Variants in PRSS12 observed in about 807,000 individuals in gnomAD.
PRSS12 encodes serine protease 12.
PRSS12 carries 85 observed loss-of-function variants against 104.4 expected under a neutral mutation model. That is an observed-to-expected ratio of 0.81 (90% CI 0.68 to 0.98). The LOEUF is 0.98. PRSS12 is among the 50% of genes least tolerant of loss of function. The pLI is 0.00. For synonymous variants in PRSS12, 454 were observed against 425.2 expected (o/e 1.07, Z -0.83); for missense variants, 1,141 against 1,139.2 (o/e 1.00, Z -0.02).
At chr4:118,348,435 T>C (rs1411185323) in intron 1 of PRSS12, among the ~76,000 whole-genome samples, 1 of 152,162 alleles carries the variant, frequency 6.6e-6, no homozygotes, top group South Asian at 2.1e-4. Context: ...TGCCCTTCCA[T>C]GTGTTCTGCC....
intron 4 of PRSS12, among the ~76,000 whole-genome samples, chr4:118,322,075 G>C (rs1723641761): frequency 6.6e-6 from 1 of 152,078 alleles, no homozygotes; most frequent in Non-Finnish European, 1.5e-5. Flanking sequence ...TATTTAAAAA[G>C]GCTGTTGTGC....
rs1743319625 is a variant in PRSS12, at chr4:118,298,832, TAC to T, written c.1736_1737del (p.Cys579TyrfsTer14). On this transcript the variant is annotated frameshift_variant, in exon 9 of 13. Coordinates refer to ENST00000296498, the MANE Select transcript of PRSS12 (RefSeq NM_003619.4). LOFTEE classifies it high-confidence loss of function. ...TTGTGTCTTCCAATATCTTGCTTGA[TAC>T]AGTCAGCCAAGGACCTCTCATTTCC... is the stretch of plus-strand genomic sequence containing the variant. ...CTGNERSLAD[C>X]IKQDIGRHNC... 2 of 1,614,194 alleles carry T rather than the reference TAC, an allele frequency of 1.2e-6. No homozygotes were observed. The highest frequency in any genetic ancestry group is 1.6e-4 in the Middle Eastern group (1 of 6,062).
chr4:118,297,182 G>A (rs1229047923), intron 9 of PRSS12, among the ~76,000 whole-genome samples: 2 of 152,008 alleles, frequency 1.3e-5, no homozygotes, highest in Non-Finnish European at 2.9e-5. Flanking sequence ...AAAATCAACT[G>A]GTTAATATGC....
At chr4:118,347,242 T>A (rs1183375160) in intron 1 of PRSS12, among the ~76,000 whole-genome samples, 2 of 152,224 alleles carry the variant, frequency 1.3e-5, no homozygotes, top group Non-Finnish European at 2.9e-5. Context: ...CAGCACCTGC[T>A]ACATAGAACC....
intron 1 of PRSS12, among the ~76,000 whole-genome samples, chr4:118,348,397 A>G (rs1259889140): frequency 6.6e-6 from 1 of 152,154 alleles, no homozygotes; most frequent in African/African-American, 2.4e-5. Flanking sequence ...ATCATCACCT[A>G]CCACTATACA....
At chr4:118,319,502 C>A (rs1316904263) in intron 4 of PRSS12, among the ~76,000 whole-genome samples, 1 of 152,140 alleles carries the variant, frequency 6.6e-6, no homozygotes, top group East Asian at 1.9e-4. Context: ...CTAAGGATGA[C>A]AGAAATGCAA....
intron 11 of PRSS12, among the ~76,000 whole-genome samples, chr4:118,288,540 A>AT (rs1222170986): frequency 6.6e-6 from 1 of 152,232 alleles, no homozygotes; most frequent in Non-Finnish European, 1.5e-5. Flanking sequence ...AGTCAATGAG[A>AT]TAAAGTCAGG....
chr4:118,293,185 G>A (rs960912028), intron 11 of PRSS12, among the ~76,000 whole-genome samples: 1 of 151,788 alleles, frequency 6.6e-6, no homozygotes, highest in Non-Finnish European at 1.5e-5. Context: ...CATAATCAGT[G>A]GGTAAAGACT....
In PRSS12 at chr4:118,318,369, A is replaced by T. The variant is rs367819399; in HGVS notation, c.1150+9T>A. ...AAGAACTGGTACACTAATGGAGTGA[A>T]ATCCTTACCTGTTAGAGGGGTACAG... On this transcript the variant is annotated intron_variant, in intron 5 of 12. Coordinates refer to ENST00000296498, the MANE Select transcript of PRSS12 (RefSeq NM_003619.4). 10 of 1,613,544 alleles carry T rather than the reference A, an allele frequency of 6.2e-6. No individual in the cohort carries two copies. Among genetic ancestry groups the T allele is most frequent in the African/African-American group, 5.3e-5 (4 of 74,928 alleles).
At chr4:118,333,613 A>G (rs1479297049) in intron 3 of PRSS12, among the ~76,000 whole-genome samples, 1 of 152,196 alleles carries the variant, frequency 6.6e-6, no homozygotes, top group Non-Finnish European at 1.5e-5. Context: ...ATACAGAAAA[A>G]CATGTATACA....
intron 11 of PRSS12, among the ~76,000 whole-genome samples, chr4:118,289,301 G>C (rs1743081332): frequency 6.6e-6 from 1 of 152,120 alleles, no homozygotes; most frequent in Non-Finnish European, 1.5e-5. Context: ...AGAAATGGCT[G>C]GTCAAGAACA....
At chr4:118,330,795 T>C (rs1723898435) in intron 4 of PRSS12, among the ~76,000 whole-genome samples, 1 of 152,242 alleles carries the variant, frequency 6.6e-6, no homozygotes, top group Non-Finnish European at 1.5e-5. Flanking sequence ...AAAGTGTCTA[T>C]ATTTTACTTT....
chr4:118,292,899 C>T (rs889571184), intron 11 of PRSS12, among the ~76,000 whole-genome samples: 18 of 152,040 alleles, frequency 1.2e-4, no homozygotes, highest in Admixed American at 5.9e-4. Flanking sequence ...CCTGTAATCC[C>T]AGCTACTCAA....
At chr4:118,284,888 T>C (rs1237134876) in intron 11 of PRSS12, among the ~76,000 whole-genome samples, 1 of 152,166 alleles carries the variant, frequency 6.6e-6, no homozygotes, top group Non-Finnish European at 1.5e-5. Flanking sequence ...AAAACTTGGG[T>C]CTTTTATTGT....
chr4:118,325,236 T>C (rs1484942494), intron 4 of PRSS12, among the ~76,000 whole-genome samples: 1 of 151,558 alleles, frequency 6.6e-6, no homozygotes, highest in Non-Finnish European at 1.5e-5. Flanking sequence ...TGCAGGCTAC[T>C]GCGGGATGAG....
Position 118,282,900 on chromosome 4 carries a change from A to G in PRSS12, c.2251T>C (p.Leu751=). ...RFSSHVLPAC[L]PLWRERPQKT... is the part of the protein sequence containing the mutation. ...TGTGGCCTCTCTCTCCAGAGTGGTA[A>G]ACAGGCTGGCAAAACATGGCTGCTG... The change falls in exon 12 of 13, where the codon TTA becomes CTA. Residue 751 remains leucine (L), a synonymous_variant. Transcript: ENST00000296498. 1 of 1,614,200 alleles carries G rather than the reference A, an allele frequency of 6.2e-7. No homozygotes were observed. Among genetic ancestry groups the G allele is most frequent in the Non-Finnish European group, 8.5e-7 (1 of 1,180,024 alleles).
chr4:118,301,558 T>C (rs189083150), intron 8 of PRSS12, among the ~76,000 whole-genome samples: 20 of 152,298 alleles, frequency 1.3e-4, no homozygotes, highest in Admixed American at 1.3e-3. Flanking sequence ...TTTACTAGCA[T>C]AGTATTTAAT....
At chr4:118,316,120 A>G in intron 6 of PRSS12, 62 bp downstream of exon 6, 1 of 1,577,240 alleles carries the variant, frequency 6.3e-7, no homozygotes, top group South Asian at 1.1e-5. Context: ...AGGGATTAAC[A>G]TAATAAGACT....
At chr4:118,337,629 AG>A (rs1724094053) in intron 2 of PRSS12, among the ~76,000 whole-genome samples, 1 of 152,106 alleles carries the variant, frequency 6.6e-6, no homozygotes, top group African/African-American at 2.4e-5. Context: ...CCAAAACCTA[AG>A]GCCTGGGACA....
Sources: allele counts gnomAD v4.1 joint callset (sites outside exome capture counted in the v4.1 genomes callset), GRCh38; gene constraint gnomAD v4.1.1; transcripts MANE v1.5; gene names NCBI Gene and HGNC (gene_info 2026-07-23, HGNC 2026-07-21).